The following TPO variants were observed in gnomAD, a reference collection of about 807,000 sequenced individuals.
TPO encodes thyroid microsomal antigen.
In TPO, 78 loss-of-function variants were observed where a neutral mutation model predicts 96.9. That is an observed-to-expected ratio of 0.81 (90% CI 0.67 to 0.97). TPO has a LOEUF of 0.97. Among genes scored for constraint, TPO ranks in the 50% least tolerant of loss-of-function variants. The pLI is 0.00. For synonymous variants in TPO, 547 were observed against 538.0 expected (o/e 1.02, Z -0.23); for missense variants, 1,252 against 1,274.8 (o/e 0.98, Z 0.27).
At chr2:1,461,000 C>A (rs535521012) in intron 7 of TPO, among the ~76,000 whole-genome samples, 1 of 152,310 alleles carries the variant, frequency 6.6e-6, no homozygotes, top group South Asian at 2.1e-4. Context: ...ATTGTTCTTG[C>A]AAGTCTGCGG....
chr2:1,418,359 T>C (rs2148416141), intron 2 of TPO, among the ~76,000 whole-genome samples: 1 of 151,864 alleles, frequency 6.6e-6, no homozygotes, highest in Non-Finnish European at 1.5e-5. Context: ...TTGTATCAAC[T>C]TGCCTGCAAA....
chr2:1,399,209 C>G (rs1036406143), intron 1 of TPO, among the ~76,000 whole-genome samples: 1 of 152,224 alleles, frequency 6.6e-6, no homozygotes, highest in South Asian at 2.1e-4. Flanking sequence ...TCCAGCCCCC[C>G]CGAGGGAGGC....
intron 10 of TPO, among the ~76,000 whole-genome samples, chr2:1,488,308 C>T (rs1671369403): frequency 6.6e-6 from 1 of 152,076 alleles, no homozygotes; most frequent in East Asian, 1.9e-4. Context: ...TCTGGTATCC[C>T]GGGAAGCTCC....
At chr2:1,422,395 G>GACTGACCTCGTGCAGGTGCC (rs1163151839) in intron 2 of TPO, among the ~76,000 whole-genome samples, 1 of 151,570 alleles carries the variant, frequency 6.6e-6, no homozygotes, top group Non-Finnish European at 1.5e-5. Flanking sequence ...CGCCGCGCTG[G>GACTGACCTCGTGCAGGTGCC]GCCATGGGGA....
chr2:1,444,310 T>G (rs1372591788), intron 5 of TPO, among the ~76,000 whole-genome samples: 2 of 144,364 alleles, frequency 1.4e-5, no homozygotes, highest in African/African-American at 5.2e-5. Context: ...CGGGGCAGGC[T>G]CGTTCTTGTT....
intron 15 of TPO, among the ~76,000 whole-genome samples, chr2:1,538,424 T>C (rs746801625): frequency 1.3e-5 from 2 of 152,204 alleles, no homozygotes; most frequent in Non-Finnish European, 2.9e-5. Flanking sequence ...GTCAGGATTA[T>C]TTGACAAGGA....
intron 16 of TPO, 56 bp downstream of exon 16, chr2:1,540,779 C>T (rs1427251066): frequency 5.0e-6 from 8 of 1,612,854 alleles, no homozygotes; most frequent in Non-Finnish European, 6.8e-6. Flanking sequence ...TGGACAGGAT[C>T]TGGGTGTCGG....
intron 15 of TPO, among the ~76,000 whole-genome samples, chr2:1,526,401 C>A (rs1408271538): frequency 2.2e-5 from 2 of 92,784 alleles, no homozygotes; most frequent in South Asian, 4.9e-4. Context: ...TGTGAGCAAC[C>A]CCCCCAAATC....
At chr2:1,405,459 C>T (rs939148046) in intron 1 of TPO, among the ~76,000 whole-genome samples, 1 of 151,936 alleles carries the variant, frequency 6.6e-6, no homozygotes, top group African/African-American at 2.4e-5. Context: ...ATCTATCCAT[C>T]CACTGATCAG....
In TPO at chr2:1,376,601, A is replaced by C. The variant is rs1037712333; in HGVS notation, n.180+2199A>C. Among the ~76,000 whole-genome samples the C allele has an allele frequency of 9.2e-5, 14 of 152,166 alleles. No homozygotes were observed. The East Asian group carries it at 1.6e-3, about 17-fold the overall frequency. On this transcript the variant is annotated intron_variant and non_coding_transcript_variant, in intron 1 of 5. Coordinates refer to the TPO transcript ENST00000497517. ...CAGGGCAGTGCTGATAGTGGAGGAG[A>C]GAGCCTGGTCTGAACAGCACCCCCA...
intron 5 of TPO, among the ~76,000 whole-genome samples, chr2:1,440,095 G>A (rs13016765): frequency 2.0e-5 from 3 of 151,504 alleles, no homozygotes; most frequent in South Asian, 4.2e-4. Context: ...AATGTGCTGC[G>A]TTTCCACTGT....
chr2:1,477,070 TC>T lies in TPO; in HGVS notation c.820-12del. 1 of 1,597,992 alleles carries T rather than the reference TC, an allele frequency of 6.3e-7. No individual in the cohort carries two copies. On this transcript the variant is annotated splice_polypyrimidine_tract_variant and intron_variant, in intron 7 of 16. Transcript: ENST00000329066. ...ACGGGGGCCCTGGGTGACCTTGAAC[TC>T]CCCTTTGCCTGCAGCTCCCGGAGGA... is the stretch of plus-strand genomic sequence containing the variant.
intron 8 of TPO, among the ~76,000 whole-genome samples, chr2:1,482,173 G>A (rs946166708): frequency 1.3e-5 from 2 of 152,326 alleles, no homozygotes; most frequent in East Asian, 1.9e-4. Flanking sequence ...GGGGCTACGC[G>A]GCTGTTTCCC....
At chr2:1,532,951 C>G (rs1164326613) in intron 15 of TPO, among the ~76,000 whole-genome samples, 2 of 119,104 alleles carry the variant, frequency 1.7e-5, no homozygotes, top group African/African-American at 3.7e-5. Flanking sequence ...GCAACCTCCT[C>G]AAATCCCCCC....
At chr2:1,528,581 CTG>C (rs1178337717) in intron 15 of TPO, among the ~76,000 whole-genome samples, 4 of 144,254 alleles carry the variant, frequency 2.8e-5, no homozygotes, top group Non-Finnish European at 4.5e-5. Flanking sequence ...TCGCCCCACT[CTG>C]TGCAACCGCC....
chr2:1,488,693 AC>A (rs1671408633), intron 10 of TPO, among the ~76,000 whole-genome samples: 1 of 151,964 alleles, frequency 6.6e-6, no homozygotes, highest in Non-Finnish European at 1.5e-5. Flanking sequence ...CTCTCCACGT[AC>A]CCTGGGAGCT....
intron 5 of TPO, among the ~76,000 whole-genome samples, chr2:1,443,232 G>A (rs946480566): frequency 6.6e-6 from 1 of 152,160 alleles, no homozygotes; most frequent in Non-Finnish European, 1.5e-5. Flanking sequence ...GAAGGGAATG[G>A]GGCAGGCTCC....
At chr2:1,472,807 T>G (rs1669547953) in intron 7 of TPO, among the ~76,000 whole-genome samples, 1 of 142,882 alleles carries the variant, frequency 7.0e-6, no homozygotes, top group Admixed American at 7.3e-5. Context: ...TTTTCTCATT[T>G]TTTTCTGCTT....
At chr2:1,458,269 TGTG>T (rs1668063131) in intron 7 of TPO, among the ~76,000 whole-genome samples, 1 of 151,894 alleles carries the variant, frequency 6.6e-6, no homozygotes, top group East Asian at 1.9e-4. Flanking sequence ...TGTGGGCACG[TGTG>T]TATATAGCAT....
Sources: allele counts gnomAD v4.1 joint callset (sites outside exome capture counted in the v4.1 genomes callset), GRCh38; gene constraint gnomAD v4.1.1; transcripts MANE v1.5; gene names NCBI Gene and HGNC (gene_info 2026-07-23, HGNC 2026-07-21).